Variants in LHX5 observed in about 807,000 individuals in gnomAD.
LHX5 encodes the protein LIM homeobox 5.
In LHX5, 5 loss-of-function variants were observed where a neutral mutation model predicts 30.6. That is an observed-to-expected ratio of 0.16 (90% CI 0.09 to 0.34). The LOEUF (loss-of-function observed/expected upper bound fraction) is 0.34, where lower values mean the gene tolerates loss of function less well. LHX5 is among the 10% of genes least tolerant of loss of function. LHX5 has a pLI of 1.00. For synonymous variants in LHX5, 266 were observed against 252.6 expected (o/e 1.05, Z -0.50); for missense variants, 458 against 570.6 (o/e 0.80, Z 2.01).
chr12:113,463,420 C>T lies in LHX5; in HGVS notation c.979G>A (p.Glu327Lys). The change falls in exon 5 of 5, where the codon GAA becomes AAA. Residue 327 changes from glutamate (E) to lysine (K), a missense_variant. Transcript: ENST00000261731. The surrounding 1 kb of genome is among the most constrained non-coding windows in gnomAD (Gnocchi z 6.7). ...GCGTGCGGGCCGGCGAGCGGCGGTT[C>T]CAGCGCTCCCAGCGGCGTCGAGCCG... Reference protein sequence around the residue: ...GPGSTPLGALEPPLAGPHAAD... With the variant: ...GPGSTPLGALKPPLAGPHAAD... The T allele has an allele frequency of 1.3e-6, 2 of 1,552,360 alleles. No individual in the cohort carries two copies. The highest frequency in any genetic ancestry group is 1.7e-6 in the Non-Finnish European group (2 of 1,151,110).
rs534405195 is a variant in LHX5 at position 113,463,050 on chromosome 12, C to T, written c.*140G>A. The stretch of plus-strand genomic sequence containing the variant: ...TCGGCGCCCAGCCGAGGAGCAGCTG[C>T]CAGTTGAGTGCGGACCCGAGAGAGA... On this transcript the variant is annotated 3_prime_UTR_variant, in exon 5 of 5. Transcript: ENST00000261731. The surrounding 1 kb of genome is among the most constrained non-coding windows in gnomAD (Gnocchi z 6.7). 5.5e-6 allele frequency: 4 copies of T among 730,372 alleles called. No homozygotes were observed. The highest frequency in any genetic ancestry group is 8.3e-6 in the Non-Finnish European group (4 of 484,842). The allele number at this position is 730,372 out of a possible 1,614,324, so 45.2% of individuals were successfully genotyped here.
Position 113,467,502 on chromosome 12 carries a change from C to G in LHX5, c.676-81G>C. 2 of 1,277,826 alleles carry G rather than the reference C, an allele frequency of 1.6e-6. No homozygotes were observed. Among genetic ancestry groups the G allele is most frequent in the Middle Eastern group, 4.2e-4 (2 of 4,716 alleles). The allele number at this position is 1,277,826 out of a possible 1,614,324, so 79.2% of individuals were successfully genotyped here. ...CTTCTCCCTTCCCTGACTGGGCTGC[C>G]CCTGCTGGGTCCTTGCGCCTCTTCC... On this transcript the variant is annotated intron_variant, in intron 3 of 4. Coordinates refer to ENST00000261731, the MANE Select transcript of LHX5 (RefSeq NM_022363.3). This position sits in a 1 kb window ranked among gnomAD's most constrained non-coding sequence, Gnocchi z 6.3.
rs1296761137 is a variant in LHX5, at chr12:113,462,993, C to T, written c.*197G>A. ...GCGGTGGGCTGAGGCTCCTGGAGAG[C>T]CCGCGGGGTGGAGATGGGGGTCGGC... is the stretch of plus-strand genomic sequence containing the variant. On this transcript the variant is annotated 3_prime_UTR_variant, in exon 5 of 5. Transcript: ENST00000261731. 2 of 536,904 alleles carry T rather than the reference C, an allele frequency of 3.7e-6. No homozygotes were observed. The highest frequency in any genetic ancestry group is 6.4e-6 in the Non-Finnish European group (2 of 311,226). 33.3% of individuals were successfully genotyped at this position (536,904 alleles called of 1,614,324 possible).
intron 1 of LHX5, 94 bp downstream of exon 1, chr12:113,471,232 G>C: frequency 7.6e-7 from 1 of 1,309,292 alleles, no homozygotes; most frequent in Non-Finnish European, 1.1e-6. Flanking sequence ...ATCCGGGGAG[G>C]CTGGGATGGG....
Position 113,471,456 on chromosome 12 carries a change from G to A in LHX5, c.43C>T (p.Arg15Cys). 1.2e-6 allele frequency: 2 copies of A among 1,611,454 alleles called. No homozygotes were observed. The highest frequency in any genetic ancestry group is 1.7e-6 in the Non-Finnish European group (2 of 1,178,946). Reference sequence around the variant, plus strand: ...CGGTCCAGCACGTTCAGCAGAAAGCGGTCGAGGATGGGCCGCTCGCAACCG... The same window carrying A: ...CGGTCCAGCACGTTCAGCAGAAAGCAGTCGAGGATGGGCCGCTCGCAACCG... Reference protein sequence around the residue: ...CAGCERPILDRFLLNVLDRAW... With the variant: ...CAGCERPILDCFLLNVLDRAW... Residue 15 changes from arginine to cysteine, a missense_variant, in exon 1 of 5, where the codon CGC (arginine) becomes TGC (cysteine). Transcript: ENST00000261731.
intron 1 of LHX5, among the ~76,000 whole-genome samples, chr12:113,469,709 A>G (rs116821718): frequency 4.3e-4 from 66 of 152,304 alleles, no homozygotes; most frequent in African/African-American, 1.5e-3. Context: ...AGAGTCCATG[A>G]ATGATTTGAA....
Position 113,467,240 on chromosome 12 carries a change from C to T in LHX5, c.841+16G>A, listed in dbSNP as rs1958220450. The stretch of plus-strand genomic sequence containing the variant: ...TAGGACAGGTGCGGAACAGCGAATC[C>T]CGGGGCGCCCCTTACCTCCGTAGTA... On this transcript the variant is annotated intron_variant, in intron 4 of 4. Coordinates refer to ENST00000261731, the MANE Select transcript of LHX5 (RefSeq NM_022363.3). The surrounding 1 kb of genome is among the most constrained non-coding windows in gnomAD (Gnocchi z 6.3). 4 of 1,432,642 alleles carry T rather than the reference C, an allele frequency of 2.8e-6. No individual in the cohort carries two copies. Among genetic ancestry groups the T allele is most frequent in the Admixed American group, 2.7e-5 (1 of 36,674 alleles). The allele number at this position is 1,432,642 out of a possible 1,614,324, so 88.7% of individuals were successfully genotyped here.
Position 113,471,550 on chromosome 12 carries a change from G to C in LHX5, c.-52C>G. On this transcript the variant is annotated 5_prime_UTR_variant, in exon 1 of 5. Transcript: ENST00000261731. ...GCCTTGCCCTCCCTTTGGGCCCCTG[G>C]CCCTCGGGCCTGCCGGGCCCTCCGC... 6.6e-7 allele frequency: 1 copy of C among 1,515,334 alleles called. No homozygotes were observed. Among genetic ancestry groups the C allele is most frequent in the Admixed American group, 2.1e-5 (1 of 48,130 alleles). The allele number at this position is 1,515,334 out of a possible 1,614,324, so 93.9% of individuals were successfully genotyped here.
At position 113,464,899 on chromosome 12, in the gene LHX5, G is replaced by A. The variant is rs1209776807; in HGVS notation, c.842-1342C>T. 1.3e-5 allele frequency among the ~76,000 whole-genome samples: 2 copies of A among 152,062 alleles called. No homozygotes were observed. The highest frequency in any genetic ancestry group is 4.8e-5 in the African/African-American group (2 of 41,388). On this transcript the variant is annotated intron_variant, in intron 4 of 4. Coordinates refer to ENST00000261731, the MANE Select transcript of LHX5 (RefSeq NM_022363.3). The surrounding 1 kb of genome is among the most constrained non-coding windows in gnomAD (Gnocchi z 6.2). ...ACATAGCCCCTTTTCCAGAACCTTC[G>A]GGATATCCTGCCTTCCCCCACCAGG...
chr12:113,469,029 G>C (rs1247514228), intron 2 of LHX5, 93 bp downstream of exon 2: 4 of 941,742 alleles, frequency 4.2e-6, no homozygotes, highest in Non-Finnish European at 4.8e-6. Context: ...GCTCAGCACA[G>C]ACAGCACACC....
In LHX5 at chr12:113,467,473, C is replaced by T. The variant is rs777097571; in HGVS notation, c.676-52G>A. ...CCAGGATCAGGAGTGTCCTCTCCCC[C>T]CCTCTTCTCCCTTCCCTGACTGGGC... On this transcript the variant is annotated intron_variant, in intron 3 of 4. Coordinates refer to ENST00000261731, the MANE Select transcript of LHX5 (RefSeq NM_022363.3). This position sits in a 1 kb window ranked among gnomAD's most constrained non-coding sequence, Gnocchi z 6.3. The T allele has an allele frequency of 8.8e-6, 12 of 1,371,402 alleles. No homozygotes were observed. Among genetic ancestry groups the T allele is most frequent in the African/African-American group, 1.5e-5 (1 of 67,474 alleles). 85.0% of individuals were successfully genotyped at this position (1,371,402 alleles called of 1,614,324 possible).
At chr12:113,469,071 C>T (rs1361613688) in intron 2 of LHX5, 51 bp downstream of exon 2, 10 of 1,399,020 alleles carry the variant, frequency 7.1e-6, no homozygotes, top group Non-Finnish European at 9.8e-6. Flanking sequence ...AGGCTGGGCA[C>T]GGTGGGAGGG....
In LHX5 at chr12:113,469,285, G is replaced by A. The variant is rs1340739787; in HGVS notation, c.234C>T (p.Arg78=). 12 of 1,614,094 alleles carry A rather than the reference G, an allele frequency of 7.4e-6. No individual in the cohort carries two copies. Among genetic ancestry groups the A allele is most frequent in the Non-Finnish European group, 1.0e-5 (12 of 1,180,060 alleles). The stretch of plus-strand genomic sequence containing the variant: ...GGTGAAAGACTTTGCTCCGGGCCTT[G>A]CGCACCAGGTCGCTGGGCGAGATGC... ...AQGISPSDLV[R]KARSKVFHLN... is the part of the protein sequence containing the mutation. Residue 78 remains arginine, a synonymous_variant, in exon 2 of 5, where the codon CGC becomes CGT. Coordinates refer to ENST00000261731, the MANE Select transcript of LHX5 (RefSeq NM_022363.3).
intron 1 of LHX5, among the ~76,000 whole-genome samples, chr12:113,470,227 C>A (rs1255055138): frequency 6.6e-6 from 1 of 152,092 alleles, no homozygotes; most frequent in Non-Finnish European, 1.5e-5. Flanking sequence ...GGGGGAGGAC[C>A]CAGGACTCTA....
In LHX5 at chr12:113,463,907, CAG is replaced by C. The variant is rs1436760774; in HGVS notation, c.842-352_842-351del. On this transcript the variant is annotated intron_variant, in intron 4 of 4. Transcript: ENST00000261731. This position sits in a 1 kb window ranked among gnomAD's most constrained non-coding sequence, Gnocchi z 6.7. ...CCTGACACCTAGAGATGGAGAGAGACAGAGGCGGCCAGAGACGCAGAGACAGA... is the reference window on the plus strand; with the variant it reads ...CCTGACACCTAGAGATGGAGAGAGACAGGCGGCCAGAGACGCAGAGACAGA... 6.6e-6 allele frequency among the ~76,000 whole-genome samples: 1 copy of C among 152,148 alleles called. No individual in the cohort carries two copies. The highest frequency in any genetic ancestry group is 1.5e-5 in the Non-Finnish European group (1 of 68,036).
intron 1 of LHX5, among the ~76,000 whole-genome samples, chr12:113,469,797 C>G (rs1227309036): frequency 6.6e-6 from 1 of 152,200 alleles, no homozygotes; most frequent in East Asian, 1.9e-4. Flanking sequence ...CTAGCTAGGG[C>G]CAATCTGCCT....
chr12:113,467,672 C>T lies in LHX5; in HGVS notation c.676-251G>A, dbSNP rs1958223324. ...CTTGGGCTTCCTGGTCCCCGGCTCG[C>T]CCGCGGCCTGACGGCTCTATAAAGG... On this transcript the variant is annotated intron_variant, in intron 3 of 4. Transcript: ENST00000261731. The surrounding 1 kb of genome is among the most constrained non-coding windows in gnomAD (Gnocchi z 6.3). Among the ~76,000 whole-genome samples, 1 of 152,238 alleles carries T rather than the reference C, an allele frequency of 6.6e-6. No homozygotes were observed. The highest frequency in any genetic ancestry group is 2.4e-5 in the African/African-American group (1 of 41,474).
chr12:113,468,435 C>A (rs745340655), intron 2 of LHX5, 31 bp from the exon 3 acceptor site: 2 of 1,579,182 alleles, frequency 1.3e-6, no homozygotes, highest in African/African-American at 1.3e-5. Flanking sequence ...AAGGGGACAG[C>A]GGCGTCAGCG....
rs1958189602 is a variant in LHX5, at chr12:113,463,379, C to G, written c.1020G>C (p.Arg340Ser). Residue 340 changes from arginine (R) to serine (S), a missense_variant, in exon 5 of 5, where the codon AGG (arginine) becomes AGC (serine). Physicochemically the swap from Arg to Ser is moderately radical, Grantham distance 110. This residue lies in a region of LHX5 where 255 missense variants were observed against 246.8 expected (regional missense o/e 1.03). Transcript: ENST00000261731. The surrounding 1 kb of genome is among the most constrained non-coding windows in gnomAD (Gnocchi z 6.7). Reference protein sequence around the residue: ...LAGPHAADNPRFTDMISHPDT... With the variant: ...LAGPHAADNPSFTDMISHPDT... The stretch of plus-strand genomic sequence containing the variant: ...CCGGGTGCGAGATCATGTCGGTGAA[C>G]CTGGGGTTGTCCGCGGCGTGCGGGC... 12 of 1,554,276 alleles carry G rather than the reference C, an allele frequency of 7.7e-6. No individual in the cohort carries two copies. Among genetic ancestry groups the G allele is most frequent in the Non-Finnish European group, 9.6e-6 (11 of 1,150,942 alleles).
Sources: allele counts gnomAD v4.1 joint callset (sites outside exome capture counted in the v4.1 genomes callset), GRCh38; gene constraint gnomAD v4.1.1; regional missense constraint gnomAD v4.1.1; non-coding constraint Gnocchi (gnomAD v3.1); transcripts MANE v1.5; gene names NCBI Gene and HGNC (gene_info 2026-07-23, HGNC 2026-07-21).